The following DNAAF4 variants were observed in gnomAD, a reference collection of about 807,000 sequenced individuals.
The protein encoded by DNAAF4 is dynein assembly factor 4, axonemal.
DNAAF4 carries 43 observed loss-of-function variants against 51.8 expected under a neutral mutation model. The observed-to-expected ratio is 0.83, with a 90% CI of 0.65 to 1.07. DNAAF4 has a LOEUF of 1.07. DNAAF4 is among the 50% of genes least tolerant of loss of function. DNAAF4 has a pLI of 0.00. For missense variants in DNAAF4, 581 were observed against 493.0 expected, an observed-to-expected ratio of 1.18 and a Z score of -1.69; for synonymous variants, 194 against 165.6, an observed-to-expected ratio of 1.17 and a Z score of -1.32.
chr15:55,447,735 G>A (rs557374291), intron 6 of DNAAF4, among the ~76,000 whole-genome samples: 71 of 147,738 alleles, frequency 4.8e-4, no homozygotes, highest in Middle Eastern at 3.4e-3. Context: ...CCGAGATCAC[G>A]GCAGTACAGT....
At chr15:55,452,867 A>G (rs1196222080) in intron 5 of DNAAF4, among the ~76,000 whole-genome samples, 1 of 152,218 alleles carries the variant, frequency 6.6e-6, no homozygotes, top group Non-Finnish European at 1.5e-5. Flanking sequence ...ATATAGGTAC[A>G]GAGGTGGGGA....
intron 4 of DNAAF4, among the ~76,000 whole-genome samples, chr15:55,481,397 C>G (rs979240133): frequency 6.6e-6 from 1 of 152,160 alleles, no homozygotes; most frequent in African/African-American, 2.4e-5. Flanking sequence ...TGGCTCCTTC[C>G]CCTAGCCAGC....
At chr15:55,507,205 T>A (rs1306577031) in intron 1 of DNAAF4, among the ~76,000 whole-genome samples, 1 of 152,124 alleles carries the variant, frequency 6.6e-6, no homozygotes, top group Admixed American at 6.6e-5. Flanking sequence ...GATTCCTAGG[T>A]ATGTGGTAAA....
intron 4 of DNAAF4, among the ~76,000 whole-genome samples, chr15:55,480,969 G>C (rs141456084): frequency 1.2e-3 from 177 of 152,202 alleles, no homozygotes; most frequent in African/African-American, 4.1e-3. Context: ...TCATGATAAT[G>C]AGTGAGTCTC....
intron 4 of DNAAF4, among the ~76,000 whole-genome samples, chr15:55,480,121 A>G (rs942684615): frequency 9.3e-5 from 14 of 151,100 alleles, no homozygotes; most frequent in African/African-American, 2.9e-4. Context: ...CTTTGTATCT[A>G]CTCCCTGTTC....
rs1014952175 is a variant in DNAAF4 at position 55,492,339 on chromosome 15, G to A, written c.272-1083C>T. On this transcript the variant is annotated intron_variant, in intron 3 of 9. Coordinates refer to ENST00000321149, the MANE Select transcript of DNAAF4 (RefSeq NM_130810.4). ...TGAGGGGAAGACAAAGTAGGGGAGAGTAGATAAGGGGTGGGTAGAGGGATG... is the reference window on the plus strand; with the variant it reads ...TGAGGGGAAGACAAAGTAGGGGAGAATAGATAAGGGGTGGGTAGAGGGATG... 4.0e-5 allele frequency among the ~76,000 whole-genome samples: 6 copies of A among 151,744 alleles called. No homozygotes were observed. In the South Asian group the frequency reaches 1.2e-3, roughly 32 times the overall value.
At chr15:55,504,587 G>C (rs927651359) in intron 1 of DNAAF4, among the ~76,000 whole-genome samples, 1 of 152,062 alleles carries the variant, frequency 6.6e-6, no homozygotes, top group Admixed American at 6.5e-5. Flanking sequence ...TAGACCAATG[G>C]AACAGAACAG....
chr15:55,435,217 C>T, intron 7 of DNAAF4, among the ~76,000 whole-genome samples, 159 bp from the exon 8 acceptor site: 1 of 152,190 alleles, frequency 6.6e-6, no homozygotes, highest in Non-Finnish European at 1.5e-5. Context: ...TTCACATATA[C>T]CAGCCTGTCA....
intron 1 of DNAAF4, among the ~76,000 whole-genome samples, chr15:55,506,612 C>T (rs372451678): frequency 5.3e-5 from 8 of 152,004 alleles, no homozygotes; most frequent in African/African-American, 1.7e-4. Flanking sequence ...AATTACTGCC[C>T]TAGAAAAAGT....
intron 5 of DNAAF4, 122 bp downstream of exon 5, chr15:55,466,808 T>G (rs1340038416): frequency 8.4e-7 from 1 of 1,190,930 alleles, no homozygotes; most frequent in African/African-American, 1.6e-5. Flanking sequence ...TGTACTGAAT[T>G]GCTTATTCTC....
chr15:55,482,587 G>A (rs1193745486), intron 4 of DNAAF4, among the ~76,000 whole-genome samples: 1 of 152,152 alleles, frequency 6.6e-6, no homozygotes, highest in Non-Finnish European at 1.5e-5. Flanking sequence ...GCTGAGGCAG[G>A]AGAATCACTT....
At chr15:55,422,745 C>T (rs2057398648) in intron 7 of DNAAF4, among the ~76,000 whole-genome samples, 1 of 152,060 alleles carries the variant, frequency 6.6e-6, no homozygotes, top group Non-Finnish European at 1.5e-5. Context: ...ACCTGTAATC[C>T]CAGAACTTTG....
rs182291142 is a variant in DNAAF4 at position 55,498,698 on chromosome 15, G to A, written c.-255-114C>T. On this transcript the variant is annotated intron_variant, in intron 1 of 9. Coordinates refer to ENST00000321149, the MANE Select transcript of DNAAF4 (RefSeq NM_130810.4). ...AGGCGGGCGGATCACCTGAGGTTGG[G>A]AGTTCGAGACCAGCCTGACCAACAT... The A allele has an allele frequency of 0.012, 2,066 of 178,510 alleles. 35 individuals carry two copies. The highest frequency in any genetic ancestry group is 0.038 in the African/African-American group (1,601 of 41,610). 11.1% of individuals were successfully genotyped at this position (178,510 alleles called of 1,614,324 possible).
At chr15:55,470,985 T>C (rs929568090) in intron 4 of DNAAF4, among the ~76,000 whole-genome samples, 14 of 151,516 alleles carry the variant, frequency 9.2e-5, no homozygotes, top group African/African-American at 3.4e-4. Context: ...TCTCAAGTAG[T>C]TGGGACCACA....
chr15:55,503,450 AG>A (rs2058710144), intron 1 of DNAAF4, among the ~76,000 whole-genome samples: 1 of 152,202 alleles, frequency 6.6e-6, no homozygotes, highest in African/African-American at 2.4e-5. Flanking sequence ...CTGATACCAA[AG>A]CCTGGCAGAA....
At chr15:55,495,419 C>A (rs73411037) in intron 3 of DNAAF4, among the ~76,000 whole-genome samples, 3,263 of 152,050 alleles carry the variant, frequency 0.021, 114 homozygotes, top group African/African-American at 0.072. Flanking sequence ...ATATTCAAGG[C>A]TTAATGCCAA....
chr15:55,488,515 T>C (rs2058524242), intron 4 of DNAAF4, among the ~76,000 whole-genome samples: 1 of 152,220 alleles, frequency 6.6e-6, no homozygotes, highest in Non-Finnish European at 1.5e-5. Context: ...AAGTAGACGT[T>C]TGCTACGGGT....
At chr15:55,493,774 G>C (rs186846919) in intron 3 of DNAAF4, among the ~76,000 whole-genome samples, 3 of 152,214 alleles carry the variant, frequency 2.0e-5, no homozygotes, top group African/African-American at 7.2e-5. Context: ...TATGAGCATG[G>C]CTTACTGCAG....
chr15:55,420,816 A>G (rs560971824), intron 7 of DNAAF4, among the ~76,000 whole-genome samples: 1 of 152,200 alleles, frequency 6.6e-6, no homozygotes, highest in African/African-American at 2.4e-5. Context: ...TTACCTTTTT[A>G]TATGTAGAAT....
Sources: allele counts gnomAD v4.1 joint callset (sites outside exome capture counted in the v4.1 genomes callset), GRCh38; gene constraint gnomAD v4.1.1; transcripts MANE v1.5; gene names NCBI Gene and HGNC (gene_info 2026-07-23, HGNC 2026-07-21).